Variants in ZNF587B observed in about 807,000 individuals in gnomAD.
ZNF587B encodes zinc finger protein 587B.
Under a neutral mutation model 7.2 loss-of-function variants are expected in ZNF587B, and 6 were observed. The observed-to-expected ratio is 0.83, with a 90% CI of 0.46 to 1.65. The LOEUF (loss-of-function observed/expected upper bound fraction) is 1.65. ZNF587B is among the 40% of genes most tolerant of loss of function. ZNF587B has a pLI of 0.01. For synonymous variants in ZNF587B, 274 were observed against 254.3 expected (o/e 1.08, Z -0.74); for missense variants, 749 against 761.0 (o/e 0.98, Z 0.19).
chr19:57,843,587 G>GTTTTTTTTTTTTTTTTTTTTTTT lies in ZNF587B; in HGVS notation c.*1013_*1014insTTTTTTTTTTTTTTTTTTTTTTT. The GTTTTTTTTTTTTTTTTTTTTTTT allele has an allele frequency of 1.3e-4, 95 of 738,172 alleles. 12 individuals carry two copies. The highest frequency in any genetic ancestry group is 7.9e-4 in the East Asian group (5 of 6,302). The allele number at this position is 738,172 out of a possible 1,614,324, so 45.7% of individuals were successfully genotyped here. A position where few individuals can be genotyped will look rare whatever the true frequency, so the allele number is the denominator to read the frequency against. On this transcript the variant is annotated 3_prime_UTR_variant, in exon 3 of 3. Transcript: ENST00000594901. ...GTTTGGTTGGTTGGTTGGTTGGTTGGTTGTTTTTTTTTGTTTTTTTTTTTT... is the reference window on the plus strand; with the variant it reads ...GTTTGGTTGGTTGGTTGGTTGGTTGGTTTTTTTTTTTTTTTTTTTTTTTTTGTTTTTTTTTGTTTTTTTTTTTT...
At position 57,843,856 on chromosome 19, in the gene ZNF587B, T is replaced by A. The variant is rs984328275; in HGVS notation, c.*1280T>A. 3.3e-5 allele frequency among the ~76,000 whole-genome samples: 5 copies of A among 152,058 alleles called. No homozygotes were observed. Among genetic ancestry groups the A allele is most frequent in the African/African-American group, 1.2e-4 (5 of 41,410 alleles). ...ACCTCGTGATCCACCTGCCTTGGCC[T>A]CCCAAAGTGCTGGGATTACAGTGTG... On this transcript the variant is annotated 3_prime_UTR_variant, in exon 3 of 3. Coordinates refer to ENST00000594901, the MANE Select transcript of ZNF587B (RefSeq NM_001376223.1).
At chr19:57,831,469 C>A (rs1268350772) in intron 1 of ZNF587B, among the ~76,000 whole-genome samples, 1 of 151,064 alleles carries the variant, frequency 6.6e-6, no homozygotes, top group Non-Finnish European at 1.5e-5. Flanking sequence ...CTCGGCTCAC[C>A]GCAATCTCCG....
Position 57,845,559 on chromosome 19 carries a change from A to G in ZNF587B, c.*2983A>G, listed in dbSNP as rs1408200423. On this transcript the variant is annotated 3_prime_UTR_variant, in exon 3 of 3. Coordinates refer to ENST00000594901, the MANE Select transcript of ZNF587B (RefSeq NM_001376223.1). ...AGCCAGTGATCCAGTTCAATCAGGT[A>G]GAAATGACCTTCCTGCTACATCAAT... 6.6e-6 allele frequency: 1 copy of G among 152,234 alleles called. No individual in the cohort carries two copies. The highest frequency in any genetic ancestry group is 2.4e-5 in the African/African-American group (1 of 41,462). 9.4% of individuals were successfully genotyped at this position (152,234 alleles called of 1,614,324 possible).
At chr19:57,840,286 C>CT (rs1186084972) in intron 2 of ZNF587B, among the ~76,000 whole-genome samples, 3 of 151,908 alleles carry the variant, frequency 2.0e-5, no homozygotes, top group Admixed American at 6.6e-5. Context: ...ATTTCTACTC[C>CT]TTTTTTTAAG....
chr19:57,842,155 A>G lies in ZNF587B; in HGVS notation c.1481A>G (p.Tyr494Cys). 6.2e-7 allele frequency: 1 copy of G among 1,613,134 alleles called. No homozygotes were observed. The stretch of plus-strand genomic sequence containing the variant: ...AGAATTCACAGTGGAGAGAAGCCAT[A>G]TGCTTGTGAGGCTTGTCAGAAATTT... The part of the protein sequence containing the change: ...HQRIHSGEKP[Y>C]ACEACQKFFR... The change falls in exon 3 of 3, where the codon TAT (tyrosine) becomes TGT (cysteine). Residue 494 changes from tyrosine (Y) to cysteine (C), a missense_variant. This residue lies in a region of ZNF587B where 656 missense variants were observed against 596.5 expected (regional missense o/e 1.10). Coordinates refer to ENST00000594901, the MANE Select transcript of ZNF587B (RefSeq NM_001376223.1).
chr19:57,837,699 C>T (rs1241412524), intron 1 of ZNF587B, among the ~76,000 whole-genome samples: 1 of 152,092 alleles, frequency 6.6e-6, no homozygotes, highest in Non-Finnish European at 1.5e-5. Context: ...CTGCCCGTCT[C>T]AGCCTCCCAA....
chr19:57,840,600 G>A (rs1988802189), intron 2 of ZNF587B, among the ~76,000 whole-genome samples: 1 of 152,140 alleles, frequency 6.6e-6, no homozygotes, highest in Non-Finnish European at 1.5e-5. Flanking sequence ...TGTAGACCCT[G>A]CCTCTACTCC....
At chr19:57,840,075 CAAAAAAAAAAAAAAAAAAAAA>C (rs774635301) in intron 2 of ZNF587B, among the ~76,000 whole-genome samples, 1,633 of 81,116 alleles carry the variant, frequency 0.02, 66 homozygotes, top group African/African-American at 0.056. Flanking sequence ...ACTCTGTCTC[CAAAAAAAAAAAAAAAAAAAAA>C]AAAAAAAAAA....
intron 1 of ZNF587B, among the ~76,000 whole-genome samples, chr19:57,832,579 G>A (rs1165209977): frequency 6.6e-6 from 1 of 152,156 alleles, no homozygotes; most frequent in Non-Finnish European, 1.5e-5. Context: ...GTGAGGTCAC[G>A]TTTTCCTGGA....
rs1988937425 is a variant in ZNF587B, at chr19:57,843,532, T to A, written c.*956T>A. On this transcript the variant is annotated 3_prime_UTR_variant, in exon 3 of 3. Transcript: ENST00000594901. The stretch of plus-strand genomic sequence containing the variant: ...AGAAGTATATTTTGGTTGTCTCCCA[T>A]TCACGAGAGATTTTTTTTTTAAGTT... The A allele has an allele frequency of 1.0e-6, 1 of 984,870 alleles. No homozygotes were observed. The highest frequency in any genetic ancestry group is 1.8e-5 in the African/African-American group (1 of 57,118). The allele number at this position is 984,870 out of a possible 1,614,324, so 61.0% of individuals were successfully genotyped here.
chr19:57,839,212 T>C, intron 2 of ZNF587B, 63 bp downstream of exon 2: 1 of 1,595,806 alleles, frequency 6.3e-7, no homozygotes, highest in East Asian at 2.2e-5. Context: ...TCTTTCCCCA[T>C]TGGCAAGACT....
Position 57,842,154 on chromosome 19 carries a change from T to G in ZNF587B, c.1480T>G (p.Tyr494Asp). Residue 494 changes from tyrosine (Y) to aspartate (D), a missense_variant, in exon 3 of 3, where the codon TAT becomes GAT. This residue lies in a region of ZNF587B where 656 missense variants were observed against 596.5 expected (regional missense o/e 1.10). Transcript: ENST00000594901. ...HQRIHSGEKP[Y>D]ACEACQKFFR... ...GAGAATTCACAGTGGAGAGAAGCCA[T>G]ATGCTTGTGAGGCTTGTCAGAAATT... The G allele has an allele frequency of 6.2e-7, 1 of 1,613,068 alleles. No homozygotes were observed. Among genetic ancestry groups the G allele is most frequent in the Non-Finnish European group, 8.5e-7 (1 of 1,179,526 alleles).
Position 57,844,466 on chromosome 19 carries a change from C to T in ZNF587B, c.*1890C>T. On this transcript the variant is annotated 3_prime_UTR_variant, in exon 3 of 3. Coordinates refer to ENST00000594901, the MANE Select transcript of ZNF587B (RefSeq NM_001376223.1). ...GCAGTGAGCTGAGATCATGCCACTGCACTCCAGCCTGGGTCCTGCTACCTT... is the reference window on the plus strand; with the variant it reads ...GCAGTGAGCTGAGATCATGCCACTGTACTCCAGCCTGGGTCCTGCTACCTT... The T allele has an allele frequency of 4.2e-6, 1 of 237,484 alleles. No homozygotes were observed. The highest frequency in any genetic ancestry group is 3.7e-5 in the South Asian group (1 of 26,838). The allele number at this position is 237,484 out of a possible 1,614,324, so 14.7% of individuals were successfully genotyped here.
intron 1 of ZNF587B, 82 bp downstream of exon 1, chr19:57,830,646 G>A (rs1381378000): frequency 1.3e-6 from 2 of 1,482,382 alleles, no homozygotes; most frequent in African/African-American, 1.4e-5. Context: ...AGTCTTTAAG[G>A]TGGCAGAGCC....
In ZNF587B at chr19:57,831,289, G is replaced by T. The variant is rs554146560; in HGVS notation, c.36+725G>T. On this transcript the variant is annotated intron_variant, in intron 1 of 2. Coordinates refer to ENST00000594901, the MANE Select transcript of ZNF587B (RefSeq NM_001376223.1). ...AAAGGAAAGGGAGAATCTAAAAACA[G>T]GGTTAGTAAAAACAAGGTTGGGCAT... 2.6e-5 allele frequency among the ~76,000 whole-genome samples: 4 copies of T among 152,252 alleles called. No individual in the cohort carries two copies. The South Asian group carries it at 6.2e-4, about 24-fold the overall frequency.
rs1382614805 is a variant in ZNF587B, at chr19:57,843,902, T to G, written c.*1326T>G. Among the ~76,000 whole-genome samples the G allele has an allele frequency of 6.6e-6, 1 of 152,218 alleles. No homozygotes were observed. Among genetic ancestry groups the G allele is most frequent in the African/African-American group, 2.4e-5 (1 of 41,558 alleles). Reference sequence around the variant, plus strand: ...GTGTGAGCCTCTGCTTCTGGCCTTTTTAAAAATTTTTTAAATTTATATTTT... The same window carrying G: ...GTGTGAGCCTCTGCTTCTGGCCTTTGTAAAAATTTTTTAAATTTATATTTT... On this transcript the variant is annotated 3_prime_UTR_variant, in exon 3 of 3. Coordinates refer to ENST00000594901, the MANE Select transcript of ZNF587B (RefSeq NM_001376223.1).
rs919532563 is a variant in ZNF587B, at chr19:57,843,006, T to C, written c.*430T>C. 5 of 980,764 alleles carry C rather than the reference T, an allele frequency of 5.1e-6. No individual in the cohort carries two copies. Among genetic ancestry groups the C allele is most frequent in the Non-Finnish European group, 6.1e-6 (5 of 825,820 alleles). 60.8% of individuals were successfully genotyped at this position (980,764 alleles called of 1,614,324 possible). A position where few individuals can be genotyped will look rare whatever the true frequency, so the allele number is the denominator to read the frequency against. Reference sequence around the variant, plus strand: ...TATAGGGAATGTTATTATTTTTTCCTTTTTTTGGAGAGACGGTCTCACTCC... The same window carrying C: ...TATAGGGAATGTTATTATTTTTTCCCTTTTTTGGAGAGACGGTCTCACTCC... On this transcript the variant is annotated 3_prime_UTR_variant, in exon 3 of 3. Coordinates refer to ENST00000594901, the MANE Select transcript of ZNF587B (RefSeq NM_001376223.1).
At chr19:57,839,263 T>C in intron 2 of ZNF587B, 114 bp downstream of exon 2, 1 of 1,501,216 alleles carries the variant, frequency 6.7e-7, no homozygotes, top group Middle Eastern at 1.8e-4. Flanking sequence ...CTGCTTCAGT[T>C]CTATGGGTAG....
chr19:57,830,401 A>T lies in ZNF587B; in HGVS notation c.-128A>T. The T allele has an allele frequency of 1.0e-6, 1 of 983,158 alleles. No homozygotes were observed. Among genetic ancestry groups the T allele is most frequent in the Non-Finnish European group, 1.5e-6 (1 of 656,542 alleles). The allele number at this position is 983,158 out of a possible 1,614,324, so 60.9% of individuals were successfully genotyped here. ...AGAACAGTTGTCCTCTGCTGCACAG[A>T]GGCGACTCTGGAGCTCTGTGACGGC... On this transcript the variant is annotated 5_prime_UTR_variant, in exon 1 of 3. Transcript: ENST00000594901.
Sources: gnomAD v4.1 joint callset for allele counts (sites outside exome capture counted in the v4.1 genomes callset) on GRCh38, gnomAD v4.1.1 for gene constraint, gnomAD v4.1.1 regional missense constraint, MANE v1.5 for transcripts, NCBI Gene and HGNC (gene_info 2026-07-23, HGNC 2026-07-21) for gene names.